The following INSL6 variants were observed in gnomAD, a reference collection of about 807,000 sequenced individuals.
INSL6 encodes insulin like 6.
A neutral mutation model predicts 9.4 loss-of-function variants in INSL6; 16 were observed. The ratio of observed to expected loss-of-function variants is 1.70; its 90% CI spans 1.15 to 2.59. The LOEUF (loss-of-function observed/expected upper bound fraction) is 2.59. Ranked by LOEUF, INSL6 falls within the 30% of genes most tolerant of loss-of-function variation. INSL6 has a pLI of 0.00. For synonymous variants in INSL6, 154 were observed against 96.9 expected (o/e 1.59, Z -3.46); for missense variants, 391 against 257.3 (o/e 1.52, Z -3.56).
chr9:5,035,466 T>C, the INSL6 span, among the ~76,000 whole-genome samples: 1 of 152,172 alleles, frequency 6.6e-6, no homozygotes, highest in Non-Finnish European at 1.5e-5. Context: ...TTGATGAACA[T>C]TGATGCAAAA....
At chr9:5,054,908 G>C in the INSL6 span, 41 of 1,478,604 alleles carry the variant, frequency 2.8e-5, no homozygotes, top group Non-Finnish European at 3.6e-5. This position sits in a 1 kb window ranked among gnomAD's most constrained non-coding sequence, Gnocchi z 4.9. Context: ...ATATGTTCTT[G>C]TTCTTTGTTA....
the INSL6 span, chr9:5,069,101 A>G: frequency 6.2e-7 from 1 of 1,612,004 alleles, no homozygotes. Flanking sequence ...GGGACAAAGA[A>G]GAACTTCAGC....
chr9:5,105,341 A>C, the INSL6 span, among the ~76,000 whole-genome samples: 16 of 152,340 alleles, frequency 1.1e-4, 1 homozygote, highest in Non-Finnish European at 2.1e-4. Context: ...TGGGAATCCA[A>C]CTTACAAGAG....
chr9:5,040,936 C>T, the INSL6 span: 5 of 400,372 alleles, frequency 1.2e-5, no homozygotes, highest in African/African-American at 4.3e-5. Flanking sequence ...CTGGCCATGG[C>T]GGAGCCAAGG....
chr9:5,161,453 T>C (rs72701654), downstream of INSL6, among the ~76,000 whole-genome samples: 34,316 of 152,092 alleles, frequency 0.23, 4,583 homozygotes, highest in South Asian at 0.3. Context: ...CCATATATGA[T>C]AGACCCACAG....
At chr9:4,996,683 AT>A in the INSL6 span, among the ~76,000 whole-genome samples, 2 of 150,992 alleles carry the variant, frequency 1.3e-5, no homozygotes, top group Non-Finnish European at 3.0e-5. Flanking sequence ...TTAAAAAAAA[AT>A]TATCCTTGCC....
chr9:5,101,489 C>A, the INSL6 span, among the ~76,000 whole-genome samples: 8 of 152,272 alleles, frequency 5.3e-5, no homozygotes, highest in African/African-American at 1.7e-4. Flanking sequence ...CTTCTGCAGA[C>A]TTAAACGTCC....
intron 2 of INSL6, among the ~76,000 whole-genome samples, chr9:5,157,902 T>C (rs1313001090): frequency 6.6e-6 from 1 of 152,032 alleles, no homozygotes; most frequent in Non-Finnish European, 1.5e-5. Flanking sequence ...ACCTTTCAGA[T>C]AGAGAATTCA....
chr9:5,033,426 C>T, the INSL6 span, among the ~76,000 whole-genome samples: 2 of 152,104 alleles, frequency 1.3e-5, no homozygotes, highest in Non-Finnish European at 2.9e-5. Context: ...GCAACTCCAA[C>T]ACACATAATT....
chr9:5,178,316 C>T (rs1029833814), intron 1 of INSL6, among the ~76,000 whole-genome samples: 4 of 152,106 alleles, frequency 2.6e-5, no homozygotes, highest in African/African-American at 7.2e-5. Context: ...GAGGGGCTGC[C>T]GCCATCTCCA....
the INSL6 span, chr9:5,111,049 G>A: frequency 2.0e-6 from 2 of 1,004,002 alleles, no homozygotes; most frequent in East Asian, 3.0e-5. Context: ...GCAATTCAGA[G>A]GTTCAGGTCT....
intron 3 of INSL6, chr9:5,128,164 G>C (rs2130871685): frequency 4.4e-6 from 1 of 229,620 alleles, no homozygotes; most frequent in Admixed American, 5.7e-5. Context: ...TGATTAAAAA[G>C]AAAATAGTTT....
chr9:5,150,718 A>T (rs894644418), intron 2 of INSL6, among the ~76,000 whole-genome samples: 4 of 152,156 alleles, frequency 2.6e-5, no homozygotes, highest in Non-Finnish European at 4.4e-5. Flanking sequence ...TCACTACTGC[A>T]TGTCTACCTA....
At chr9:5,027,136 G>A in the INSL6 span, among the ~76,000 whole-genome samples, 3 of 152,284 alleles carry the variant, frequency 2.0e-5, no homozygotes, top group South Asian at 6.2e-4. Context: ...GACAACTGAA[G>A]AAACCAGATG....
intron 1 of INSL6, among the ~76,000 whole-genome samples, chr9:5,170,276 C>A (rs1460753632): frequency 6.6e-6 from 1 of 152,082 alleles, no homozygotes; most frequent in Non-Finnish European, 1.5e-5. Context: ...AAAATTAAGG[C>A]AGAAATCAAG....
intron 1 of INSL6, among the ~76,000 whole-genome samples, chr9:5,168,690 T>C: frequency 6.6e-6 from 1 of 152,174 alleles, no homozygotes; most frequent in Non-Finnish European, 1.5e-5. Flanking sequence ...TTCCCCAAAT[T>C]AGCAAGACAG....
chr9:5,035,642 A>G, the INSL6 span, among the ~76,000 whole-genome samples: 4 of 152,148 alleles, frequency 2.6e-5, no homozygotes, highest in Admixed American at 2.0e-4. Flanking sequence ...CCATATGATT[A>G]TCTCAGAGGC....
At chr9:5,051,039 C>G in the INSL6 span, among the ~76,000 whole-genome samples, 17 of 152,122 alleles carry the variant, frequency 1.1e-4, no homozygotes, top group African/African-American at 3.9e-4. Context: ...TTGAGCACCC[C>G]TAATCCAAAA....
chr9:5,142,098 A>G (rs1173753461), intron 2 of INSL6, among the ~76,000 whole-genome samples: 3 of 152,152 alleles, frequency 2.0e-5, no homozygotes, highest in Admixed American at 6.5e-5. Context: ...TACCAGTACC[A>G]TATTATTTTG....
Sources: gnomAD v4.1 joint callset for allele counts (sites outside exome capture counted in the v4.1 genomes callset) on GRCh38, gnomAD v4.1.1 for gene constraint, Gnocchi (gnomAD v3.1) non-coding constraint, MANE v1.5 for transcripts, NCBI Gene and HGNC (gene_info 2026-07-23, HGNC 2026-07-21) for gene names.